MED12L: variants seen among roughly 807,000 people sequenced by gnomAD.
MED12L encodes mediator complex subunit 12L, also known as mediator of RNA polymerase II transcription subunit 12-like protein.
MED12L carries 60 observed loss-of-function variants against 281.3 expected under a neutral mutation model. The observed-to-expected ratio is 0.21, with a 90% CI of 0.17 to 0.26. The LOEUF is 0.26. MED12L is among the 10% of genes least tolerant of loss of function. The pLI, the probability that MED12L is intolerant of heterozygous loss-of-function variation, is 1.00. For synonymous variants in MED12L, 974 were observed against 987.2 expected (o/e 0.99, Z 0.25); for missense variants, 2,146 against 2,680.9 (o/e 0.80, Z 4.41).
chr3:151,327,930 G>T, intron 16 of MED12L: 2 of 1,203,276 alleles, frequency 1.7e-6, no homozygotes, highest in South Asian at 3.4e-5. Context: ...GGTTAAATTT[G>T]ATTTCCACAT....
intron 16 of MED12L, among the ~76,000 whole-genome samples, chr3:151,239,082 G>A (rs1733529821): frequency 6.6e-6 from 1 of 152,196 alleles, no homozygotes; most frequent in Admixed American, 6.5e-5. Flanking sequence ...TTCCGGTATT[G>A]ACACTGTGAG....
intron 12 of MED12L, among the ~76,000 whole-genome samples, chr3:151,187,204 T>C (rs956534448): frequency 6.6e-6 from 1 of 152,230 alleles, no homozygotes; most frequent in Non-Finnish European, 1.5e-5. Context: ...TTGTGAATAG[T>C]TGGACTATTC....
rs190316431 is a variant in MED12L at position 151,292,733 on chromosome 3, C to T, written c.2251-57326C>T. On this transcript the variant is annotated intron_variant, in intron 16 of 44. Coordinates refer to ENST00000687756, the MANE Select transcript of MED12L (RefSeq NM_001393769.1). ...GATTACAGGCATGCGCCACCACGCC[C>T]GGCTGATTTTGTATTTTTAGTAGAG... 5.4e-3 allele frequency among the ~76,000 whole-genome samples: 823 copies of T among 151,642 alleles called. 1 individual carries two copies. Among genetic ancestry groups the T allele is most frequent in the South Asian group, 7.7e-3 (37 of 4,794 alleles).
At chr3:151,192,179 C>G (rs1252259477) in intron 14 of MED12L, among the ~76,000 whole-genome samples, 1 of 151,912 alleles carries the variant, frequency 6.6e-6, no homozygotes, top group Non-Finnish European at 1.5e-5. Flanking sequence ...TTTTTCTTTT[C>G]TATTCTATAG....
At chr3:151,340,590 C>G (rs530292113) in intron 16 of MED12L, 1 of 152,690 alleles carries the variant, frequency 6.5e-6, no homozygotes, top group South Asian at 2.1e-4. Context: ...GTAGAAATAA[C>G]ATTACCTGAT....
chr3:151,335,503 A>G (rs957697889), intron 16 of MED12L, among the ~76,000 whole-genome samples: 3 of 152,154 alleles, frequency 2.0e-5, no homozygotes, highest in Admixed American at 6.5e-5. Flanking sequence ...AATAACCAAT[A>G]CCTTTAGGAC....
chr3:151,215,993 C>T (rs1482360126), intron 16 of MED12L, among the ~76,000 whole-genome samples: 1 of 152,162 alleles, frequency 6.6e-6, no homozygotes, highest in Non-Finnish European at 1.5e-5. Flanking sequence ...TGTCACTTTC[C>T]TTAGGAAACC....
At chr3:151,409,475 T>G (rs1430668376) in intron 40 of MED12L, 143 bp downstream of exon 40, 6 of 710,666 alleles carry the variant, frequency 8.4e-6, no homozygotes, top group Non-Finnish European at 1.4e-5. Flanking sequence ...TAATTGATAT[T>G]TCAAAAAAGC....
intron 5 of MED12L, among the ~76,000 whole-genome samples, chr3:151,141,201 G>GTTTTT (rs1716973453): frequency 1.5e-4 from 9 of 58,294 alleles, no homozygotes; most frequent in East Asian, 6.0e-4. Context: ...TTTTTTTTTT[G>GTTTTT]TTAGTAGAGA....
At chr3:151,239,467 A>T (rs1296725875) in intron 16 of MED12L, among the ~76,000 whole-genome samples, 1 of 152,218 alleles carries the variant, frequency 6.6e-6, no homozygotes, top group Non-Finnish European at 1.5e-5. Context: ...ATGAGAATCC[A>T]ACTGTCTTCT....
chr3:151,408,702 A>C (rs1716613381), intron 39 of MED12L, among the ~76,000 whole-genome samples: 1 of 152,232 alleles, frequency 6.6e-6, no homozygotes, highest in Admixed American at 6.5e-5. Flanking sequence ...TTTGCCATTA[A>C]CTTACAAAAT....
At chr3:151,413,041 G>A (rs1006270001) in intron 41 of MED12L, 98 bp from the exon 42 acceptor site, 47 of 1,377,014 alleles carry the variant, frequency 3.4e-5, no homozygotes, top group Non-Finnish European at 4.6e-5. Context: ...ATTGAGCACT[G>A]ATTGTTTCTT....
rs371772666 is a variant in MED12L at position 151,387,909 on chromosome 3, C to A, written c.5188C>A (p.Arg1730=). The change falls in exon 37 of 45, where the codon CGA becomes AGA. Residue 1730 remains arginine, a synonymous_variant. Coordinates refer to ENST00000687756, the MANE Select transcript of MED12L (RefSeq NM_001393769.1). ...GTCCTGGGCCTGGTTTGGGACAGTC[C>A]GAGTGGACCGAAGAGTGATCAAGTA... ...PLSWAWFGTV[R]VDRRVIKYEE... is the part of the protein sequence containing the mutation. The A allele has an allele frequency of 1.9e-6, 3 of 1,614,036 alleles. No individual in the cohort carries two copies. Among genetic ancestry groups the A allele is most frequent in the Non-Finnish European group, 2.5e-6 (3 of 1,180,000 alleles).
intron 39 of MED12L, among the ~76,000 whole-genome samples, chr3:151,406,508 A>AT (rs1409562436): frequency 6.6e-6 from 1 of 152,094 alleles, no homozygotes; most frequent in Non-Finnish European, 1.5e-5. Context: ...GATGTTTGTG[A>AT]TTTTCTCAGG....
At chr3:151,367,114 G>A (rs965973287) in intron 23 of MED12L, among the ~76,000 whole-genome samples, 94 of 60,982 alleles carry the variant, frequency 1.5e-3, no homozygotes, top group African/African-American at 0.011. Context: ...TTCCCCCTCT[G>A]TCCTTTTTCT....
chr3:151,152,515 G>A (rs1267130984), intron 5 of MED12L, among the ~76,000 whole-genome samples: 1 of 152,144 alleles, frequency 6.6e-6, no homozygotes, highest in Non-Finnish European at 1.5e-5. Flanking sequence ...CAGAGGCAGG[G>A]TCTGACATTG....
intron 43 of MED12L, among the ~76,000 whole-genome samples, chr3:151,428,269 A>T (rs1354454581): frequency 6.6e-6 from 1 of 152,258 alleles, no homozygotes; most frequent in African/African-American, 2.4e-5. Context: ...TACCTGGCAC[A>T]TAGTACAATA....
intron 2 of MED12L, among the ~76,000 whole-genome samples, chr3:151,092,154 T>C (rs1720135293): frequency 6.6e-6 from 1 of 152,188 alleles, no homozygotes; most frequent in South Asian, 2.1e-4. Context: ...CTAGCTTCTT[T>C]GTGTATAGGT....
chr3:151,196,113 G>A (rs1724619522), intron 16 of MED12L, among the ~76,000 whole-genome samples: 1 of 152,124 alleles, frequency 6.6e-6, no homozygotes, highest in South Asian at 2.1e-4. Flanking sequence ...GCCTTTCCCT[G>A]CATTTAACAT....
Sources: gnomAD v4.1 joint callset for allele counts (sites outside exome capture counted in the v4.1 genomes callset) on GRCh38, gnomAD v4.1.1 for gene constraint, MANE v1.5 for transcripts, NCBI Gene and HGNC (gene_info 2026-07-23, HGNC 2026-07-21) for gene names.